CIMIP5: variants seen among roughly 807,000 people sequenced by gnomAD.
The protein encoded by CIMIP5 is uncharacterized protein C2orf50.
chr2:11,140,607 C>A, the CIMIP5 span: 1 of 1,341,672 alleles, frequency 7.5e-7, no homozygotes, highest in African/African-American at 1.4e-5. Context: ...CTCATTCTTT[C>A]CATCATTCAA....
the CIMIP5 span, among the ~76,000 whole-genome samples, chr2:11,143,563 T>C: frequency 6.7e-6 from 1 of 148,378 alleles, no homozygotes; most frequent in Non-Finnish European, 1.5e-5. Flanking sequence ...TAAGTACAAA[T>C]TTACCAAAAA....
chr2:11,135,429 T>TTTTTG, the CIMIP5 span, among the ~76,000 whole-genome samples: 6 of 152,172 alleles, frequency 3.9e-5, no homozygotes, highest in South Asian at 2.1e-4. Context: ...TCATTGTGAT[T>TTTTTG]TTTTGTTTTG....
chr2:11,143,252 C>G, the CIMIP5 span, among the ~76,000 whole-genome samples: 2 of 152,072 alleles, frequency 1.3e-5, no homozygotes, highest in East Asian at 3.9e-4. Context: ...AATGAATGAA[C>G]GGCAGCCACA....
chr2:11,133,632 C>T, the CIMIP5 span: 1 of 1,550,660 alleles, frequency 6.4e-7, no homozygotes, highest in East Asian at 2.3e-5. Context: ...ACTCCGCAGC[C>T]TGACTGCAAG....
chr2:11,147,002 G>A, the CIMIP5 span, among the ~76,000 whole-genome samples: 1 of 152,216 alleles, frequency 6.6e-6, no homozygotes, highest in African/African-American at 2.4e-5. Context: ...AAGTGGTCAG[G>A]CCTGTGCAGA....
At chr2:11,133,542 C>A in the CIMIP5 span, 2 of 1,607,390 alleles carry the variant, frequency 1.2e-6, no homozygotes, top group Non-Finnish European at 8.5e-7. Context: ...GCAGCAGGAC[C>A]AGCTGTGGCG....
chr2:11,151,488 G>A, the CIMIP5 span, among the ~76,000 whole-genome samples: 4 of 152,190 alleles, frequency 2.6e-5, no homozygotes, highest in Non-Finnish European at 5.9e-5. Flanking sequence ...CACCTTGCCC[G>A]CTGCCTAGAC....
the CIMIP5 span, among the ~76,000 whole-genome samples, chr2:11,139,192 A>G: frequency 6.6e-6 from 1 of 152,200 alleles, no homozygotes; most frequent in Non-Finnish European, 1.5e-5. Flanking sequence ...TGCTGGGATT[A>G]CAGGCGTGAG....
the CIMIP5 span, among the ~76,000 whole-genome samples, chr2:11,137,640 T>C: frequency 6.6e-6 from 1 of 152,130 alleles, no homozygotes. Flanking sequence ...ACCAAAGAAA[T>C]GCATGAGTCC....
the CIMIP5 span, among the ~76,000 whole-genome samples, chr2:11,149,711 AAAAT>A: frequency 7.6e-6 from 1 of 131,094 alleles, no homozygotes; most frequent in Non-Finnish European, 1.6e-5. Flanking sequence ...TATCTCAAAA[AAAAT>A]TAATTAATTA....
the CIMIP5 span, among the ~76,000 whole-genome samples, chr2:11,153,018 G>T: frequency 6.6e-6 from 1 of 152,202 alleles, no homozygotes; most frequent in Admixed American, 6.5e-5. Context: ...GAGCGGGATG[G>T]TTCTCCCCTT....
the CIMIP5 span, among the ~76,000 whole-genome samples, chr2:11,152,061 C>T: frequency 6.6e-6 from 1 of 152,050 alleles, no homozygotes; most frequent in South Asian, 2.1e-4. Flanking sequence ...CTTCTGTTCC[C>T]GAGCGGGGAT....
chr2:11,140,086 C>CAAAA, the CIMIP5 span, among the ~76,000 whole-genome samples: 229 of 84,738 alleles, frequency 2.7e-3, 9 homozygotes, highest in African/African-American at 0.011. Flanking sequence ...GACTCCCTCT[C>CAAAA]AAAAAAAAAA....
chr2:11,149,972 G>A, the CIMIP5 span, among the ~76,000 whole-genome samples: 7 of 152,254 alleles, frequency 4.6e-5, no homozygotes, highest in South Asian at 2.1e-4. Flanking sequence ...TTGAGACGGC[G>A]TCTCACCCCA....
At chr2:11,133,614 C>T in the CIMIP5 span, 4 of 1,564,888 alleles carry the variant, frequency 2.6e-6, no homozygotes, top group Non-Finnish European at 3.5e-6. Flanking sequence ...CCTCCCTTTT[C>T]CACCCTGACT....
chr2:11,150,196 C>T, the CIMIP5 span, among the ~76,000 whole-genome samples: 2,078 of 152,214 alleles, frequency 0.014, 33 homozygotes, highest in African/African-American at 0.048. Flanking sequence ...GCCTCAACCT[C>T]CCAAAGTGCT....
chr2:11,153,483 G>A, the CIMIP5 span, among the ~76,000 whole-genome samples: 1 of 152,222 alleles, frequency 6.6e-6, no homozygotes, highest in Non-Finnish European at 1.5e-5. Flanking sequence ...GGGAAGAGGA[G>A]GGAGGGGGAT....
the CIMIP5 span, chr2:11,133,529 C>T: frequency 2.4e-5 from 38 of 1,607,838 alleles, no homozygotes; most frequent in Non-Finnish European, 3.1e-5. Flanking sequence ...CCTGCGATGG[C>T]GTGCAGCAGG....
At chr2:11,154,454 C>A in the CIMIP5 span, among the ~76,000 whole-genome samples, 1 of 152,178 alleles carries the variant, frequency 6.6e-6, no homozygotes, top group African/African-American at 2.4e-5. Flanking sequence ...GTCCCTCACA[C>A]TTCCCGGCTG....
Sources: allele counts gnomAD v4.1 joint callset (sites outside exome capture counted in the v4.1 genomes callset), GRCh38; gene constraint gnomAD v4.1.1; transcripts MANE v1.5; gene names NCBI Gene and HGNC (gene_info 2026-07-23, HGNC 2026-07-21).